Variants in MYH9 observed in about 807,000 individuals in gnomAD.
MYH9 encodes myosin heavy chain 9.
A neutral mutation model predicts 241.9 loss-of-function variants in MYH9; 29 were observed. The observed-to-expected ratio is 0.12, with a 90% CI of 0.09 to 0.16. MYH9 has a LOEUF of 0.16. Ranked by LOEUF, MYH9 falls within the 10% of genes least tolerant of loss-of-function variation. MYH9 has a pLI of 1.00. For synonymous variants in MYH9, 1,047 were observed against 1,062.6 expected, an observed-to-expected ratio of 0.99 and a Z score of 0.29; for missense variants, 1,803 against 2,595.5, an observed-to-expected ratio of 0.69 and a Z score of 6.63.
In MYH9 at chr22:36,288,995, G is replaced by C; in HGVS notation, c.4558-56C>G. On this transcript the variant is annotated intron_variant, in intron 32 of 40. Transcript: ENST00000216181. This position sits in a 1 kb window ranked among gnomAD's most constrained non-coding sequence, Gnocchi z 4.8. ...AAGGGACTGGCAGGTACCTGGGTCT[G>C]CGCGACCCGGAGTCTGTGCACACAC... 6.2e-7 allele frequency: 1 copy of C among 1,612,060 alleles called. No homozygotes were observed. Among genetic ancestry groups the C allele is most frequent in the South Asian group, 1.1e-5 (1 of 91,064 alleles).
intron 1 of MYH9, among the ~76,000 whole-genome samples, chr22:36,356,770 T>A (rs953845640): frequency 1.3e-5 from 2 of 152,102 alleles, no homozygotes; most frequent in African/African-American, 4.8e-5. Context: ...AGGACGGACA[T>A]GAACCTAGGT....
At chr22:36,373,981 T>C (rs957865652) in intron 1 of MYH9, among the ~76,000 whole-genome samples, 1 of 151,942 alleles carries the variant, frequency 6.6e-6, no homozygotes, top group Admixed American at 6.6e-5. Context: ...TGCAAAACGG[T>C]GGATGAGGTG....
chr22:36,341,316 A>G (rs369667575), intron 3 of MYH9, 54 bp downstream of exon 3: 27 of 1,608,632 alleles, frequency 1.7e-5, no homozygotes, highest in South Asian at 6.6e-5. Flanking sequence ...AAAGGTGTCA[A>G]TGAGGCCCCA....
chr22:36,288,466 G>C lies in MYH9; in HGVS notation c.4771-53C>G. The C allele has an allele frequency of 6.3e-7, 1 of 1,599,586 alleles. No individual in the cohort carries two copies. Among genetic ancestry groups the C allele is most frequent in the African/African-American group, 1.3e-5 (1 of 74,956 alleles). On this transcript the variant is annotated intron_variant, in intron 33 of 40. Coordinates refer to ENST00000216181, the MANE Select transcript of MYH9 (RefSeq NM_002473.6). This position sits in a 1 kb window ranked among gnomAD's most constrained non-coding sequence, Gnocchi z 4.8. Reference sequence around the variant, plus strand: ...GAAGCTGGACCCACTGGGAGACCCTGCCCTAGCTCTGAACTCAGGAGCCTC... The same window carrying C: ...GAAGCTGGACCCACTGGGAGACCCTCCCCTAGCTCTGAACTCAGGAGCCTC...
At chr22:36,316,148 C>T (rs1215725852) in intron 12 of MYH9, among the ~76,000 whole-genome samples, 1 of 151,410 alleles carries the variant, frequency 6.6e-6, no homozygotes, top group Non-Finnish European at 1.5e-5. Flanking sequence ...AGCAATTCTC[C>T]TGCCTCAGCC....
At chr22:36,355,737 T>G (rs987348439) in intron 1 of MYH9, among the ~76,000 whole-genome samples, 23 of 152,266 alleles carry the variant, frequency 1.5e-4, no homozygotes, top group African/African-American at 5.5e-4. Context: ...GCACAAAACC[T>G]AGGGTCAGAC....
At chr22:36,327,971 G>C (rs752254569) in intron 3 of MYH9, among the ~76,000 whole-genome samples, 6 of 152,202 alleles carry the variant, frequency 3.9e-5, no homozygotes, top group Non-Finnish European at 8.8e-5. Context: ...GCTTTGCAAC[G>C]GGACAGCCCT....
rs191032963 is a variant in MYH9 at position 36,311,434 on chromosome 22, C to T, written c.1728+615G>A. Among the ~76,000 whole-genome samples, 98 of 152,144 alleles carry T rather than the reference C, an allele frequency of 6.4e-4. 1 individual carries two copies. The highest frequency in any genetic ancestry group is 5.2e-3 in the Admixed American group (80 of 15,284). ...CATTTTGGGTTGTCACAACTAAGGA[C>T]GGTGCTCCTAACTCTAGTGGGTAGC... On this transcript the variant is annotated intron_variant, in intron 14 of 40. Transcript: ENST00000216181.
chr22:36,383,053 C>G (rs2018284438), intron 1 of MYH9, among the ~76,000 whole-genome samples: 2 of 151,540 alleles, frequency 1.3e-5, no homozygotes, highest in African/African-American at 4.9e-5. Context: ...AGATCCCATC[C>G]CTACAAAAAA....
intron 1 of MYH9, among the ~76,000 whole-genome samples, chr22:36,374,271 A>G (rs1156812554): frequency 6.6e-6 from 1 of 152,146 alleles, no homozygotes; most frequent in Non-Finnish European, 1.5e-5. Context: ...TAATCCCAGC[A>G]CTTTGGGAGG....
chr22:36,321,920 C>T (rs2017259554), intron 6 of MYH9, 99 bp from the exon 7 acceptor site: 1 of 1,108,888 alleles, frequency 9.0e-7, no homozygotes, highest in Non-Finnish European at 1.4e-6. Context: ...CTCCGGTGGG[C>T]ACAGCTTGGA....
At chr22:36,322,599 G>A (rs561093768) in intron 5 of MYH9, 78 bp from the exon 6 acceptor site, 7 of 1,397,950 alleles carry the variant, frequency 5.0e-6, no homozygotes, top group East Asian at 2.3e-5. Flanking sequence ...GAAGGGGGAC[G>A]ATGGCAGAGC....
chr22:36,348,839 C>CA, intron 2 of MYH9, 65 bp downstream of exon 2: 3 of 736,822 alleles, frequency 4.1e-6, no homozygotes, highest in Admixed American at 2.9e-5. Context: ...ATGGGAAGAC[C>CA]CGCCCCCCCC....
At position 36,301,573 on chromosome 22, in the gene MYH9, C is replaced by T. The variant is rs556315321; in HGVS notation, c.2592G>A (p.Ala864=). The stretch of plus-strand genomic sequence containing the variant: ...TCTCCATCTCCGTGAGCCTGTTCTC[C>T]GCAGCCAGCTGCTTCTCTCTGACCT... The part of the protein sequence containing the change: ...LVKVREKQLA[A]ENRLTEMETL... The change falls in exon 21 of 41, where the codon GCG becomes GCA. Residue 864 remains alanine, a synonymous_variant. Transcript: ENST00000216181. 73 of 1,613,992 alleles carry T rather than the reference C, an allele frequency of 4.5e-5. No individual in the cohort carries two copies. Among genetic ancestry groups the T allele is most frequent in the South Asian group, 2.5e-4 (23 of 91,086 alleles).
At position 36,306,555 on chromosome 22, in the gene MYH9, C is replaced by A. The variant is rs769225192; in HGVS notation, c.1896G>T (p.Leu632=). ...DQVAGMSETA[L]PGAFKTRKGM... is the part of the protein sequence containing the mutation. The stretch of plus-strand genomic sequence containing the variant: ...CCTTCCGCGTCTTGAAGGCCCCGGG[C>A]AGTGCGGTCTCCGACATGCCGGCCA... The change falls in exon 16 of 41, where the codon CTG becomes CTT. Residue 632 remains leucine, a synonymous_variant. Transcript: ENST00000216181. This position sits in a 1 kb window ranked among gnomAD's most constrained non-coding sequence, Gnocchi z 4.1. 1 of 1,614,020 alleles carries A rather than the reference C, an allele frequency of 6.2e-7. No individual in the cohort carries two copies. The highest frequency in any genetic ancestry group is 1.1e-5 in the South Asian group (1 of 91,080).
rs529615984 is a variant in MYH9 at position 36,345,332 on chromosome 22, G to T, written c.333+3572C>A. Reference sequence around the variant, plus strand: ...GTCTCAAAAAAAAAAAAAAAAAAAAGTTCCCATGGAATCCTCGCAGATGAG... The same window carrying T: ...GTCTCAAAAAAAAAAAAAAAAAAAATTTCCCATGGAATCCTCGCAGATGAG... On this transcript the variant is annotated intron_variant, in intron 2 of 40. Transcript: ENST00000216181. Among the ~76,000 whole-genome samples the T allele has an allele frequency of 3.1e-5, 4 of 129,316 alleles. No homozygotes were observed. In the South Asian group the frequency reaches 7.6e-4, roughly 25 times the overall value. 84.8% of individuals were successfully genotyped at this position (129,316 alleles called of 152,430 possible). A position where few individuals can be genotyped will look rare whatever the true frequency, so the allele number is the denominator to read the frequency against.
chr22:36,386,929 C>T (rs1261051748), intron 1 of MYH9, among the ~76,000 whole-genome samples: 6 of 152,386 alleles, frequency 3.9e-5, no homozygotes, highest in Non-Finnish European at 8.8e-5. Flanking sequence ...ATCGCCCAGG[C>T]CTGCTCGTAA....
chr22:36,351,359 A>G (rs2017762678), intron 1 of MYH9, among the ~76,000 whole-genome samples: 1 of 152,142 alleles, frequency 6.6e-6, no homozygotes, highest in Admixed American at 6.5e-5. Flanking sequence ...CCACCCTGAG[A>G]GCAGGCCGGG....
At chr22:36,338,172 GT>G (rs2017528266) in intron 3 of MYH9, among the ~76,000 whole-genome samples, 3 of 151,614 alleles carry the variant, frequency 2.0e-5, no homozygotes, top group Non-Finnish European at 4.4e-5. Flanking sequence ...TAATTTTTTT[GT>G]TTTTTTAGTA....
Sources: gnomAD v4.1 joint callset for allele counts (sites outside exome capture counted in the v4.1 genomes callset) on GRCh38, gnomAD v4.1.1 for gene constraint, Gnocchi (gnomAD v3.1) non-coding constraint, MANE v1.5 for transcripts, NCBI Gene and HGNC (gene_info 2026-07-23, HGNC 2026-07-21) for gene names.